CPNE9: variants seen among roughly 807,000 people sequenced by gnomAD.
CPNE9 encodes the protein copine-9.
A neutral mutation model predicts 83.0 loss-of-function variants in CPNE9; 59 were observed. That is an observed-to-expected ratio of 0.71 (90% CI 0.58 to 0.88). The LOEUF is 0.88. Among genes scored for constraint, CPNE9 ranks in the 40% least tolerant of loss-of-function variants. CPNE9 has a pLI of 0.00. For missense variants in CPNE9, 619 were observed against 720.8 expected (o/e 0.86, Z 1.62); for synonymous variants, 256 against 273.4 (o/e 0.94, Z 0.63).
chr3:9,728,269 CTT>C (rs1453678743), intron 20 of CPNE9, among the ~76,000 whole-genome samples: 1 of 152,222 alleles, frequency 6.6e-6, no homozygotes, highest in African/African-American at 2.4e-5. Context: ...AGGAGGGCCT[CTT>C]GAGACCAGGA....
At chr3:9,728,763 T>C (rs1002804736) in intron 20 of CPNE9, among the ~76,000 whole-genome samples, 2 of 150,690 alleles carry the variant, frequency 1.3e-5, no homozygotes, top group African/African-American at 4.9e-5. Flanking sequence ...TCCCCCCACA[T>C]CTCATTTCTT....
At chr3:9,705,424 C>T (rs532895364) in intron 4 of CPNE9, 40 bp from the exon 5 acceptor site, 2 of 860,320 alleles carry the variant, frequency 2.3e-6, no homozygotes, top group East Asian at 2.7e-5. Flanking sequence ...CCCTCTCCCC[C>T]ACCCAGCCCC....
In CPNE9 at chr3:9,729,653, T is replaced by G; in HGVS notation, c.1623T>G (p.Pro541=). The change falls in exon 21 of 21, where the codon CCT becomes CCG. Residue 541 remains proline (P), a synonymous_variant. Coordinates refer to ENST00000383832, the MANE Select transcript of CPNE9 (RefSeq NM_153635.3). ...ACATCCAGCCTCGGCCCCCACCCCCTGCCAACCCCAGCCCGATCCCAGCTC... is the reference window on the plus strand; with the variant it reads ...ACATCCAGCCTCGGCCCCCACCCCCGGCCAACCCCAGCCCGATCCCAGCTC... ...TRDIQPRPPP[P]ANPSPIPAPE... 1.3e-6 allele frequency: 2 copies of G among 1,571,658 alleles called. No homozygotes were observed. Among genetic ancestry groups the G allele is most frequent in the Non-Finnish European group, 1.7e-6 (2 of 1,145,408 alleles).
At chr3:9,706,125 G>T (rs1210342915) in intron 7 of CPNE9, 62 bp downstream of exon 7, 3 of 1,523,166 alleles carry the variant, frequency 2.0e-6, no homozygotes, top group Non-Finnish European at 2.7e-6. Context: ...CCCTCCCAAG[G>T]ATGCCGCTGA....
chr3:9,729,550 T>C lies in CPNE9; in HGVS notation c.1520T>C (p.Val507Ala). 1 of 1,614,048 alleles carries C rather than the reference T, an allele frequency of 6.2e-7. No homozygotes were observed. The highest frequency in any genetic ancestry group is 8.5e-7 in the Non-Finnish European group (1 of 1,179,980). The change falls in exon 21 of 21, where the codon GTG becomes GCG. Residue 507 changes from valine to alanine, a missense_variant. This residue lies in a region of CPNE9 where 438 missense variants were observed against 562.9 expected (regional missense o/e 0.78). Coordinates refer to ENST00000383832, the MANE Select transcript of CPNE9 (RefSeq NM_153635.3). ...TATGTTGACCGGTCGGGGAACCAGG[T>C]GTTGAGCATGGCCCGACTGGCCAAG... ...RDYVDRSGNQ[V>A]LSMARLAKDV...
At chr3:9,714,666 A>C (rs868659325) in intron 10 of CPNE9, among the ~76,000 whole-genome samples, 2,516 of 145,732 alleles carry the variant, frequency 0.017, 95 homozygotes, top group African/African-American at 0.06. Flanking sequence ...AAAAAAAAAA[A>C]AACCAACCAA....
Position 9,704,063 on chromosome 3 carries a change from C to G in CPNE9, c.67C>G (p.Arg23Gly). The G allele has an allele frequency of 1.2e-6, 2 of 1,606,062 alleles. No individual in the cohort carries two copies. Among genetic ancestry groups the G allele is most frequent in the Non-Finnish European group, 1.7e-6 (2 of 1,177,382 alleles). The change falls in exon 1 of 21, where the codon CGG becomes GGG. Residue 23 changes from arginine (R) to glycine (G), a missense_variant and splice_region_variant. This residue lies in a region of CPNE9 where 130 missense variants were observed against 117.5 expected (regional missense o/e 1.11). Transcript: ENST00000383832. The surrounding 1 kb of genome is among the most constrained non-coding windows in gnomAD (Gnocchi z 7.1). Reference sequence around the variant, plus strand: ...CAAGATTGAAATTACCGTGTCCTGCCGGTGAGCGGGCCGCGCTGGGGAGGG... The same window carrying G: ...CAAGATTGAAATTACCGTGTCCTGCGGGTGAGCGGGCCGCGCTGGGGAGGG... ...ATKIEITVSC[R>G]NLLDLDTFSK...
Position 9,726,721 on chromosome 3 carries a change from G to A in CPNE9, c.1401G>A (p.Glu467=), listed in dbSNP as rs760551342. ...TCGGTGTAGGACCAGCCATGTTTGA[G>A]GGTGAGTAGGAAGGGGTGTCCCTGA... ...IIVGVGPAMF[E]AMEELDGDDV... The change falls in exon 19 of 21, where the codon GAG becomes GAA. Residue 467 remains glutamate (E), a splice_region_variant and synonymous_variant. Transcript: ENST00000383832. 1.9e-6 allele frequency: 3 copies of A among 1,613,816 alleles called. No homozygotes were observed. The highest frequency in any genetic ancestry group is 2.5e-6 in the Non-Finnish European group (3 of 1,179,752).
intron 7 of CPNE9, among the ~76,000 whole-genome samples, chr3:9,709,582 C>A (rs552332000): frequency 6.6e-6 from 1 of 151,170 alleles, no homozygotes; most frequent in Non-Finnish European, 1.5e-5. Flanking sequence ...CGTGGCCAGG[C>A]TGGTCTTGAA....
intron 18 of CPNE9, among the ~76,000 whole-genome samples, 196 bp from the exon 19 acceptor site, chr3:9,726,469 G>A (rs1161836345): frequency 1.3e-5 from 2 of 152,120 alleles, no homozygotes; most frequent in Admixed American, 6.5e-5. Flanking sequence ...CTGCTCTAGA[G>A]GAAAATACTA....
chr3:9,729,340 A>T (rs2076809550), intron 20 of CPNE9, among the ~76,000 whole-genome samples, 167 bp from the exon 21 acceptor site: 1 of 152,146 alleles, frequency 6.6e-6, no homozygotes, highest in South Asian at 2.1e-4. Flanking sequence ...TGGAAAAAAA[A>T]GTGGGTGGAG....
At position 9,715,735 on chromosome 3, in the gene CPNE9, A is replaced by G. The variant is rs1415041340; in HGVS notation, c.822+209A>G. On this transcript the variant is annotated intron_variant, in intron 13 of 20. Transcript: ENST00000383832. ...CTGACTTCACTCTTTTGCAGAATAA[A>G]AGAAAAAAACCTAAGTTGTATTTCC... 3.3e-5 allele frequency among the ~76,000 whole-genome samples: 5 copies of G among 152,346 alleles called. No homozygotes were observed. In the East Asian group the frequency reaches 5.8e-4, roughly 18 times the overall value.
At chr3:9,705,419 T>TGCCCCCCCCCCCCCCCCCCCCCCCC in intron 4 of CPNE9, 45 bp from the exon 5 acceptor site, 1 of 662,642 alleles carries the variant, frequency 1.5e-6, no homozygotes, top group Non-Finnish European at 2.7e-6. Flanking sequence ...TTCCACCCTC[T>TGCCCCCCCCCCCCCCCCCCCCCCCC]CCCCCACCCA....
Position 9,715,509 on chromosome 3 carries a change from T to C in CPNE9, c.805T>C (p.Tyr269His). 1 of 1,613,920 alleles carries C rather than the reference T, an allele frequency of 6.2e-7. No individual in the cohort carries two copies. Among genetic ancestry groups the C allele is most frequent in the Non-Finnish European group, 8.5e-7 (1 of 1,179,882 alleles). ...NPRKKCKKKK[Y>H]VNSGTVTLLS... ...TCGGAAGAAATGTAAGAAGAAGAAATATGTCAACTCAGGAACTGTGAGTGC... is the reference window on the plus strand; with the variant it reads ...TCGGAAGAAATGTAAGAAGAAGAAACATGTCAACTCAGGAACTGTGAGTGC... The change falls in exon 13 of 21, where the codon TAT becomes CAT. Residue 269 changes from tyrosine (Y) to histidine (H), a missense_variant. Physicochemically the swap from Tyr to His is moderately conservative, Grantham distance 83. Coordinates refer to ENST00000383832, the MANE Select transcript of CPNE9 (RefSeq NM_153635.3).
chr3:9,725,756 T>C (rs912712022), intron 17 of CPNE9, among the ~76,000 whole-genome samples, 193 bp from the exon 18 acceptor site: 5 of 148,680 alleles, frequency 3.4e-5, no homozygotes, highest in African/African-American at 1.3e-4. Context: ...TATATGTGTG[T>C]GTATATATAT....
In CPNE9 at chr3:9,714,904, T is replaced by C. The variant is rs770699340; in HGVS notation, c.651-10T>C. The C allele has an allele frequency of 6.2e-7, 1 of 1,613,156 alleles. No individual in the cohort carries two copies. Among genetic ancestry groups the C allele is most frequent in the East Asian group, 2.2e-5 (1 of 44,874 alleles). ...ACACACCTAGGGTATGTTTATCTCC[T>C]ACATTTCAGAACGGTGAAGATTGAT... is the stretch of plus-strand genomic sequence containing the variant. On this transcript the variant is annotated splice_polypyrimidine_tract_variant and intron_variant, in intron 10 of 20. Transcript: ENST00000383832.
chr3:9,729,057 A>G (rs1462074405), intron 20 of CPNE9, among the ~76,000 whole-genome samples: 2 of 152,196 alleles, frequency 1.3e-5, no homozygotes, highest in Non-Finnish European at 2.9e-5. Flanking sequence ...AGGTTTAGAG[A>G]GCAGATAGAC....
chr3:9,706,174 G>A (rs1575115153), intron 7 of CPNE9, 111 bp downstream of exon 7: 13 of 956,338 alleles, frequency 1.4e-5, no homozygotes, highest in East Asian at 2.5e-5. Flanking sequence ...CTGGTCAGGA[G>A]CCTGCCCCGG....
chr3:9,711,716 A>G (rs555114268), intron 7 of CPNE9, among the ~76,000 whole-genome samples: 2 of 152,296 alleles, frequency 1.3e-5, no homozygotes, highest in Non-Finnish European at 2.9e-5. Flanking sequence ...TTTGGGAATC[A>G]GGGTTCACAG....
Sources: gnomAD v4.1 joint callset for allele counts (sites outside exome capture counted in the v4.1 genomes callset) on GRCh38, gnomAD v4.1.1 for gene constraint, gnomAD v4.1.1 regional missense constraint, Gnocchi (gnomAD v3.1) non-coding constraint, MANE v1.5 for transcripts, NCBI Gene and HGNC (gene_info 2026-07-23, HGNC 2026-07-21) for gene names.